Variants in TSNARE1 observed in about 807,000 individuals in gnomAD.
TSNARE1 encodes t-SNARE domain-containing protein 1.
Under a neutral mutation model 62.0 loss-of-function variants are expected in TSNARE1, and 49 were observed. The observed-to-expected ratio is 0.79, with a 90% CI of 0.63 to 1.00. The LOEUF (loss-of-function observed/expected upper bound fraction) is 1.00. Ranked by LOEUF, TSNARE1 falls within the 50% of genes least tolerant of loss-of-function variation. The pLI is 0.00. For missense variants in TSNARE1, 755 were observed against 700.1 expected, an observed-to-expected ratio of 1.08 and a Z score of -0.88; for synonymous variants, 328 against 294.4, an observed-to-expected ratio of 1.11 and a Z score of -1.17.
intron 12 of TSNARE1, among the ~76,000 whole-genome samples, chr8:142,268,693 T>A (rs1819271457): frequency 6.6e-6 from 1 of 152,222 alleles, no homozygotes; most frequent in African/African-American, 2.4e-5. Flanking sequence ...TGGGCTGAGA[T>A]GCAGGCAGAG....
chr8:142,280,449 C>T (rs1339497700), intron 11 of TSNARE1: 18 of 435,812 alleles, frequency 4.1e-5, no homozygotes, highest in Non-Finnish European at 5.2e-5. Flanking sequence ...CGGCACCCAG[C>T]ATAGGCAGCC....
At chr8:142,279,458 G>A (rs912555528) in intron 11 of TSNARE1, among the ~76,000 whole-genome samples, 7 of 152,214 alleles carry the variant, frequency 4.6e-5, no homozygotes, top group African/African-American at 9.6e-5. Context: ...TGGTCCCAGA[G>A]GCCACCTTGT....
chr8:142,223,855 G>A (rs1292814742), intron 13 of TSNARE1, among the ~76,000 whole-genome samples: 1 of 149,382 alleles, frequency 6.7e-6, no homozygotes, highest in African/African-American at 2.5e-5. Context: ...GATCCCAAGG[G>A]CTCACCTCGC....
At chr8:142,403,257 G>A (rs1587184875), upstream of TSNARE1, 1 of 151,688 alleles carries the variant, frequency 6.6e-6, no homozygotes, top group South Asian at 2.1e-4. Flanking sequence ...GACGCGCGCG[G>A]GGACTACCCG....
chr8:142,263,841 T>C (rs1011057625), intron 12 of TSNARE1, among the ~76,000 whole-genome samples: 6 of 152,234 alleles, frequency 3.9e-5, no homozygotes, highest in Non-Finnish European at 8.8e-5. Flanking sequence ...CTGTTGCTAG[T>C]AGTTCAACTA....
chr8:142,248,777 C>T (rs776501391), intron 12 of TSNARE1, among the ~76,000 whole-genome samples: 3 of 152,236 alleles, frequency 2.0e-5, no homozygotes, highest in African/African-American at 4.8e-5. Context: ...GGGGGCTCCA[C>T]GTCTCCCACC....
rs531447691 is a variant in TSNARE1 at position 142,291,148 on chromosome 8, C to T, written c.1291-6663G>A. 5.3e-5 allele frequency among the ~76,000 whole-genome samples: 8 copies of T among 152,022 alleles called. No homozygotes were observed. The highest frequency in any genetic ancestry group is 2.1e-4 in the South Asian group (1 of 4,820). ...GGGATTAAGTCACTGGCTCCTGGGG[C>T]GCTGGCTCTTTCCATGCCTGGCTCT... On this transcript the variant is annotated intron_variant, in intron 10 of 13. Transcript: ENST00000524325. The surrounding 1 kb of genome is among the most constrained non-coding windows in gnomAD (Gnocchi z 4.8).
At chr8:142,390,311 C>T (rs1379985968) in intron 1 of TSNARE1, among the ~76,000 whole-genome samples, 4 of 143,152 alleles carry the variant, frequency 2.8e-5, no homozygotes, top group African/African-American at 5.2e-5. Flanking sequence ...CCGTAACAGA[C>T]GCTGTACACT....
intron 12 of TSNARE1, among the ~76,000 whole-genome samples, chr8:142,256,392 T>TCACCATC (rs1563782902): frequency 8.0e-4 from 3 of 3,758 alleles, no homozygotes; most frequent in African/African-American, 2.2e-3. Context: ...TCATCACCAA[T>TCACCATC]ACCACCAGCA....
chr8:142,382,575 A>G (rs1836846587), intron 1 of TSNARE1, among the ~76,000 whole-genome samples: 1 of 152,176 alleles, frequency 6.6e-6, no homozygotes, highest in Admixed American at 6.5e-5. Flanking sequence ...GCCCTCAGGC[A>G]GGGACCTCCT....
chr8:142,275,764 C>A (rs1188828825), intron 11 of TSNARE1: 21 of 985,334 alleles, frequency 2.1e-5, no homozygotes, highest in Non-Finnish European at 2.5e-5. Flanking sequence ...TACCAGGGCA[C>A]AGACCTGAGC....
chr8:142,271,263 C>T (rs796907783), intron 12 of TSNARE1: 62 of 1,035,658 alleles, frequency 6.0e-5, no homozygotes, highest in Middle Eastern at 4.5e-4. Flanking sequence ...ACCAGCCTCT[C>T]GAGGGTCCGG....
At chr8:142,331,108 T>A (rs1830966793) in intron 5 of TSNARE1, 138 bp from the exon 6 acceptor site, 1 of 710,898 alleles carries the variant, frequency 1.4e-6, no homozygotes, top group Non-Finnish European at 2.4e-6. Context: ...GCAGACCACC[T>A]AAGTGGCCTG....
At chr8:142,227,025 C>CTTCCTGCCCACA in intron 13 of TSNARE1, among the ~76,000 whole-genome samples, 1 of 135,992 alleles carries the variant, frequency 7.4e-6, no homozygotes, top group South Asian at 2.3e-4. Flanking sequence ...CCAAGCCCCC[C>CTTCCTGCCCACA]ACTGCACCCA....
Position 142,229,591 on chromosome 8 carries a change from A to G in TSNARE1, c.1447-12T>C. The G allele has an allele frequency of 6.2e-7, 1 of 1,612,742 alleles. No homozygotes were observed. Among genetic ancestry groups the G allele is most frequent in the Non-Finnish European group, 8.5e-7 (1 of 1,179,514 alleles). ...TTGTGTCTCTGGAGCTGGGAGAGAGAGAGAGGTTGTTTCCATATCCTGGTC... is the reference window on the plus strand; with the variant it reads ...TTGTGTCTCTGGAGCTGGGAGAGAGGGAGAGGTTGTTTCCATATCCTGGTC... On this transcript the variant is annotated splice_polypyrimidine_tract_variant and intron_variant, in intron 12 of 13. Coordinates refer to ENST00000524325, the MANE Select transcript of TSNARE1 (RefSeq NM_145003.5).
chr8:142,283,001 C>T (rs1299303537), intron 11 of TSNARE1, among the ~76,000 whole-genome samples: 2 of 135,524 alleles, frequency 1.5e-5, no homozygotes, highest in African/African-American at 5.7e-5. Flanking sequence ...TCAGTGTCTG[C>T]CAATGAGCAG....
At chr8:142,344,580 C>T (rs1167246739) in intron 3 of TSNARE1, 108 bp from the exon 4 acceptor site, 19 of 1,193,316 alleles carry the variant, frequency 1.6e-5, no homozygotes, top group South Asian at 1.7e-5. Context: ...CTTCAGGACA[C>T]GGCTGCCTGG....
At chr8:142,354,878 T>C (rs1380815102) in intron 1 of TSNARE1, 115 bp from the exon 2 acceptor site, 6 of 621,166 alleles carry the variant, frequency 9.7e-6, no homozygotes, top group African/African-American at 9.2e-5. Flanking sequence ...CTGGCTCCAT[T>C]GTACCCATTC....
chr8:142,226,120 A>G (rs1237494252), intron 13 of TSNARE1, among the ~76,000 whole-genome samples: 1 of 152,182 alleles, frequency 6.6e-6, no homozygotes, highest in Admixed American at 6.5e-5. Context: ...CCTGTTCCCA[A>G]ATAAGGCCAT....
Sources: allele counts gnomAD v4.1 joint callset (sites outside exome capture counted in the v4.1 genomes callset), GRCh38; gene constraint gnomAD v4.1.1; non-coding constraint Gnocchi (gnomAD v3.1); transcripts MANE v1.5; gene names NCBI Gene and HGNC (gene_info 2026-07-23, HGNC 2026-07-21).